Variants in GALNT17 observed in about 807,000 individuals in gnomAD.
GALNT17 encodes UDP-GalNAc:polypeptide N-acetylgalactosaminyltransferase-like 3.
In GALNT17, 29 loss-of-function variants were observed where a neutral mutation model predicts 63.7. That is an observed-to-expected ratio of 0.46 (90% CI 0.34 to 0.62). The LOEUF is 0.62. Among genes scored for constraint, GALNT17 ranks in the 20% least tolerant of loss-of-function variants. GALNT17 has a pLI of 0.01. For missense variants in GALNT17, 603 were observed against 799.6 expected (o/e 0.75, Z 2.97); for synonymous variants, 305 against 318.3 (o/e 0.96, Z 0.45).
At chr7:71,574,503 C>T (rs1789502554) in intron 6 of GALNT17, among the ~76,000 whole-genome samples, 1 of 152,192 alleles carries the variant, frequency 6.6e-6, no homozygotes, top group Non-Finnish European at 1.5e-5. Flanking sequence ...CTTAACTTTC[C>T]ATAGACCACA....
At chr7:71,583,105 A>T (rs951625861) in intron 6 of GALNT17, among the ~76,000 whole-genome samples, 6 of 152,034 alleles carry the variant, frequency 3.9e-5, no homozygotes, top group Admixed American at 3.9e-4. Flanking sequence ...CCATACTCCA[A>T]TTTCAGGCCA....
intron 5 of GALNT17, among the ~76,000 whole-genome samples, chr7:71,562,272 C>A (rs1789269555): frequency 6.6e-6 from 1 of 152,200 alleles, no homozygotes; most frequent in Admixed American, 6.5e-5. Flanking sequence ...TTCACAGTCT[C>A]TGGTTTCTAG....
chr7:71,432,768 G>T (rs1374688928), intron 5 of GALNT17, among the ~76,000 whole-genome samples: 1 of 152,124 alleles, frequency 6.6e-6, no homozygotes, highest in Non-Finnish European at 1.5e-5. Context: ...AGGAGTTCAA[G>T]GCCAGCTTGG....
chr7:71,294,620 G>A (rs1791044552), intron 1 of GALNT17, among the ~76,000 whole-genome samples: 1 of 151,826 alleles, frequency 6.6e-6, no homozygotes, highest in Admixed American at 6.6e-5. Context: ...TCACCATATT[G>A]GCCAGGCTGG....
chr7:71,524,311 ATAACTAGTACTAT>A, intron 5 of GALNT17, among the ~76,000 whole-genome samples: 1 of 148,286 alleles, frequency 6.7e-6, no homozygotes, highest in Non-Finnish European at 1.5e-5. Context: ...AACTATTACT[ATAACTAGTACTAT>A]TAACTAGTAA....
intron 1 of GALNT17, among the ~76,000 whole-genome samples, chr7:71,292,160 A>G (rs1010993997): frequency 3.9e-5 from 6 of 152,202 alleles, no homozygotes; most frequent in African/African-American, 1.4e-4. Flanking sequence ...GGGAGAGAGT[A>G]GTCAACAGCT....
In GALNT17 at chr7:71,377,108, A is replaced by ATATATATAT. The variant is rs1491192562; in HGVS notation, c.423-11127_423-11126insTATATATAT. ...CTCAAAAAAAAAAAAAAATAAAAAT[A>ATATATATAT]AAAAAAATATATATATATATATATA... On this transcript the variant is annotated intron_variant, in intron 2 of 10. Transcript: ENST00000333538. 1.3e-3 allele frequency among the ~76,000 whole-genome samples: 59 copies of ATATATATAT among 45,028 alleles called. 2 individuals carry two copies. Among genetic ancestry groups the ATATATATAT allele is most frequent in the Non-Finnish European group, 1.7e-3 (43 of 25,056 alleles). The allele number at this position is 45,028 out of a possible 152,430, so 29.5% of individuals were successfully genotyped here.
intron 2 of GALNT17, among the ~76,000 whole-genome samples, chr7:71,349,824 A>G (rs1003211783): frequency 1.3e-5 from 2 of 152,180 alleles, no homozygotes; most frequent in African/African-American, 4.8e-5. Flanking sequence ...TGTTTTATGA[A>G]CACAAATGAA....
intron 5 of GALNT17, among the ~76,000 whole-genome samples, chr7:71,559,808 C>T (rs1311576864): frequency 4.6e-5 from 7 of 151,660 alleles, no homozygotes; most frequent in Non-Finnish European, 8.8e-5. Flanking sequence ...TGCAGTGAGC[C>T]GAGATTGCAC....
intron 9 of GALNT17, among the ~76,000 whole-genome samples, chr7:71,687,435 G>T (rs111946884): frequency 1.5e-3 from 232 of 152,308 alleles, no homozygotes; most frequent in African/African-American, 4.7e-3. Flanking sequence ...ACAGAAGTGA[G>T]TGACACCCAG....
chr7:71,487,261 C>T (rs569646952), intron 5 of GALNT17, among the ~76,000 whole-genome samples: 2 of 152,208 alleles, frequency 1.3e-5, no homozygotes, highest in Non-Finnish European at 2.9e-5. Context: ...AGTGATGTTT[C>T]TCCTCCTTTG....
intron 1 of GALNT17, among the ~76,000 whole-genome samples, chr7:71,183,673 G>A (rs905510577): frequency 2.6e-5 from 4 of 152,150 alleles, no homozygotes; most frequent in African/African-American, 9.7e-5. Context: ...AAGATGGGTG[G>A]ATCACCTGAG....
At chr7:71,268,330 T>G (rs1038222391) in intron 1 of GALNT17, among the ~76,000 whole-genome samples, 3 of 150,230 alleles carry the variant, frequency 2.0e-5, no homozygotes, top group Non-Finnish European at 4.4e-5. Flanking sequence ...TCCCTTGAGC[T>G]CAGGAGCTTG....
intron 9 of GALNT17, among the ~76,000 whole-genome samples, chr7:71,694,112 CAAGAG>C (rs1421853410): frequency 6.6e-6 from 1 of 152,038 alleles, no homozygotes; most frequent in Non-Finnish European, 1.5e-5. Context: ...TGGTGGCAGA[CAAGAG>C]AAGAGAACTT....
intron 5 of GALNT17, among the ~76,000 whole-genome samples, chr7:71,501,037 T>C (rs539447050): frequency 2.4e-4 from 36 of 152,112 alleles, no homozygotes; most frequent in African/African-American, 8.2e-4. Flanking sequence ...TGGTGTGATC[T>C]TAGCTCACTG....
At chr7:71,278,754 T>A (rs1242120768) in intron 1 of GALNT17, among the ~76,000 whole-genome samples, 1 of 152,044 alleles carries the variant, frequency 6.6e-6, no homozygotes, top group East Asian at 1.9e-4. Flanking sequence ...CTCACTATCA[T>A]GAGAACAGCA....
chr7:71,478,306 T>A (rs1787757377), intron 5 of GALNT17, among the ~76,000 whole-genome samples: 1 of 151,964 alleles, frequency 6.6e-6, no homozygotes, highest in African/African-American at 2.4e-5. Flanking sequence ...GCCCCACCTT[T>A]GTTTGTTTTG....
At chr7:71,390,566 G>A (rs1050126080) in intron 3 of GALNT17, among the ~76,000 whole-genome samples, 3 of 152,168 alleles carry the variant, frequency 2.0e-5, no homozygotes, top group Non-Finnish European at 2.9e-5. Flanking sequence ...TCTAAGTTGT[G>A]CAGCAAAGTC....
intron 5 of GALNT17, among the ~76,000 whole-genome samples, chr7:71,446,785 G>T (rs1409721196): frequency 6.6e-6 from 1 of 152,198 alleles, no homozygotes; most frequent in Non-Finnish European, 1.5e-5. Context: ...CTGACCTCAA[G>T]TGATCTGTCT....
Sources: gnomAD v4.1 joint callset for allele counts (sites outside exome capture counted in the v4.1 genomes callset) on GRCh38, gnomAD v4.1.1 for gene constraint, MANE v1.5 for transcripts, NCBI Gene and HGNC (gene_info 2026-07-23, HGNC 2026-07-21) for gene names.